The following ATF7IP variants were observed in gnomAD, a reference collection of about 807,000 sequenced individuals.
The protein encoded by ATF7IP is activating transcription factor 7-interacting protein 1.
Under a neutral mutation model 106.4 loss-of-function variants are expected in ATF7IP, and 23 were observed. The observed-to-expected ratio is 0.22, with a 90% CI of 0.16 to 0.31. ATF7IP has a LOEUF of 0.31. Among genes scored for constraint, ATF7IP ranks in the 10% least tolerant of loss-of-function variants. ATF7IP has a pLI of 1.00. For missense variants in ATF7IP, 1,334 were observed against 1,524.3 expected, an observed-to-expected ratio of 0.88 and a Z score of 2.08; for synonymous variants, 542 against 539.0, an observed-to-expected ratio of 1.01 and a Z score of -0.08.
intron 1 of ATF7IP, among the ~76,000 whole-genome samples, chr12:14,371,705 T>C (rs1025561014): frequency 6.6e-6 from 1 of 152,166 alleles, no homozygotes; most frequent in Non-Finnish European, 1.5e-5. Flanking sequence ...TATAGAATGT[T>C]CATTATTAAT....
intron 1 of ATF7IP, among the ~76,000 whole-genome samples, chr12:14,422,338 C>CACAT (rs1038588915): frequency 6.6e-6 from 1 of 151,588 alleles, no homozygotes; most frequent in African/African-American, 2.4e-5. Context: ...CACACACACA[C>CACAT]ACACACACAC....
At chr12:14,428,774 C>G (rs775247456) in intron 2 of ATF7IP, among the ~76,000 whole-genome samples, 1 of 152,070 alleles carries the variant, frequency 6.6e-6, no homozygotes, top group Non-Finnish European at 1.5e-5. Flanking sequence ...TGATGTGTAT[C>G]AGCAGCAACA....
chr12:14,421,220 A>C (rs1354805853), intron 1 of ATF7IP, among the ~76,000 whole-genome samples: 1 of 152,200 alleles, frequency 6.6e-6, no homozygotes, highest in Admixed American at 6.5e-5. Flanking sequence ...GGCAAGTTGT[A>C]ATTATGCATC....
intron 1 of ATF7IP, among the ~76,000 whole-genome samples, chr12:14,374,739 G>A (rs1432082753): frequency 1.3e-5 from 2 of 152,114 alleles, no homozygotes; most frequent in African/African-American, 2.4e-5. Flanking sequence ...TAATAGCTCT[G>A]TGATACAAAT....
At chr12:14,386,024 T>C (rs898516454) in intron 1 of ATF7IP, among the ~76,000 whole-genome samples, 2 of 152,164 alleles carry the variant, frequency 1.3e-5, no homozygotes, top group African/African-American at 4.8e-5. Context: ...TAAGTTGGCA[T>C]TCAGATTCAG....
intron 14 of ATF7IP, among the ~76,000 whole-genome samples, chr12:14,496,878 A>C (rs1478184927): frequency 1.3e-5 from 2 of 152,220 alleles, no homozygotes; most frequent in Non-Finnish European, 2.9e-5. Context: ...TATCATTATA[A>C]TGATGATGAT....
chr12:14,496,523 A>T (rs560138930), intron 14 of ATF7IP, among the ~76,000 whole-genome samples, 180 bp downstream of exon 14: 13 of 152,346 alleles, frequency 8.5e-5, no homozygotes, highest in African/African-American at 2.9e-4. Flanking sequence ...CCTAGGGATG[A>T]TGATCATTTA....
intron 9 of ATF7IP, among the ~76,000 whole-genome samples, chr12:14,465,577 A>G (rs1358675374): frequency 6.6e-6 from 1 of 151,836 alleles, no homozygotes; most frequent in Admixed American, 6.6e-5. Context: ...TTACAAAAAG[A>G]AGGTAATTCA....
At chr12:14,413,355 A>G (rs1240650992) in intron 1 of ATF7IP, among the ~76,000 whole-genome samples, 5 of 152,176 alleles carry the variant, frequency 3.3e-5, no homozygotes, top group African/African-American at 4.8e-5. Flanking sequence ...GGCTGGTGAA[A>G]TTGGGGAGGG....
intron 11 of ATF7IP, among the ~76,000 whole-genome samples, chr12:14,477,635 A>G (rs1365429110): frequency 1.3e-5 from 2 of 152,176 alleles, no homozygotes; most frequent in Non-Finnish European, 2.9e-5. Flanking sequence ...CCTAAAGCAC[A>G]CTGTTTTCCA....
intron 1 of ATF7IP, among the ~76,000 whole-genome samples, chr12:14,369,635 C>T (rs561057048): frequency 6.6e-6 from 1 of 152,246 alleles, no homozygotes; most frequent in East Asian, 1.9e-4. Context: ...CCGTGCACAG[C>T]CTTGTTCATG....
intron 5 of ATF7IP, 40 bp downstream of exon 5, chr12:14,438,307 T>A: frequency 6.6e-7 from 1 of 1,513,624 alleles, no homozygotes. Context: ...CATGTGTCAT[T>A]GTTTTTATAA....
At chr12:14,391,940 C>G (rs181086355) in intron 1 of ATF7IP, among the ~76,000 whole-genome samples, 2 of 152,120 alleles carry the variant, frequency 1.3e-5, no homozygotes, top group African/African-American at 4.8e-5. Flanking sequence ...AGGTTGGTCT[C>G]GAACTCCTGA....
chr12:14,406,403 G>C (rs1940582655), intron 1 of ATF7IP, among the ~76,000 whole-genome samples: 1 of 151,534 alleles, frequency 6.6e-6, no homozygotes, highest in Non-Finnish European at 1.5e-5. Context: ...CTGGCCTGTA[G>C]TGCTTTATTA....
At chr12:14,437,812 G>T (rs910605126) in intron 4 of ATF7IP, among the ~76,000 whole-genome samples, 1 of 152,142 alleles carries the variant, frequency 6.6e-6, no homozygotes, top group East Asian at 1.9e-4. Flanking sequence ...CCAGCACTTT[G>T]GGAGGCCGAG....
intron 5 of ATF7IP, among the ~76,000 whole-genome samples, chr12:14,444,015 A>T (rs1021427738): frequency 6.6e-6 from 1 of 152,200 alleles, no homozygotes; most frequent in African/African-American, 2.4e-5. Context: ...AGGAGTCAAC[A>T]GTGATTAGTA....
intron 10 of ATF7IP, among the ~76,000 whole-genome samples, chr12:14,467,589 C>T (rs1238692156): frequency 2.0e-5 from 3 of 151,618 alleles, no homozygotes; most frequent in African/African-American, 7.3e-5. Context: ...TTGATATATT[C>T]AGTGATACTT....
intron 1 of ATF7IP, among the ~76,000 whole-genome samples, chr12:14,395,435 A>G (rs923162760): frequency 6.6e-6 from 1 of 152,206 alleles, no homozygotes; most frequent in African/African-American, 2.4e-5. Context: ...ATTTTTTAAA[A>G]TGTAATTTTC....
intron 13 of ATF7IP, among the ~76,000 whole-genome samples, chr12:14,484,864 AATGGGTCAGAAAGCACCCAGTTC>A (rs1456446427): frequency 9.9e-5 from 15 of 152,146 alleles, no homozygotes; most frequent in Middle Eastern, 3.2e-3. Flanking sequence ...TTTATGGCTA[AATGGGTCAGAAAGCACCCAGTTC>A]ATGATAGTCA....
Sources: gnomAD v4.1 joint callset for allele counts (sites outside exome capture counted in the v4.1 genomes callset) on GRCh38, gnomAD v4.1.1 for gene constraint, MANE v1.5 for transcripts, NCBI Gene and HGNC (gene_info 2026-07-23, HGNC 2026-07-21) for gene names.